Variants in ACCSL observed in about 807,000 individuals in gnomAD.
The protein encoded by ACCSL is probable inactive 1-aminocyclopropane-1-carboxylate synthase-like protein 2.
A neutral mutation model predicts 61.7 loss-of-function variants in ACCSL; 55 were observed. The observed-to-expected ratio is 0.89, with a 90% CI of 0.72 to 1.12. ACCSL has a LOEUF of 1.12. Among genes scored for constraint, ACCSL ranks in the 50% most tolerant of loss-of-function variants. ACCSL has a pLI of 0.00. For synonymous variants in ACCSL, 258 were observed against 264.3 expected (o/e 0.98, Z 0.23); for missense variants, 632 against 698.0 (o/e 0.91, Z 1.07).
the ACCSL span, among the ~76,000 whole-genome samples, chr11:43,979,946 C>T: frequency 6.6e-6 from 1 of 151,802 alleles, no homozygotes; most frequent in African/African-American, 2.4e-5. Context: ...TAATTCTAAG[C>T]CTCAGAAATC....
chr11:44,047,023 A>G (rs184322330), upstream of ACCSL, among the ~76,000 whole-genome samples: 1 of 152,164 alleles, frequency 6.6e-6, no homozygotes, highest in African/African-American at 2.4e-5. Context: ...TCCCTCCAAA[A>G]AAAAACAAAA....
chr11:43,974,962 T>A, the ACCSL span, among the ~76,000 whole-genome samples: 1 of 152,180 alleles, frequency 6.6e-6, no homozygotes, highest in Admixed American at 6.5e-5. Flanking sequence ...AAGACACTAA[T>A]TTTGGTGTAA....
At chr11:43,992,034 T>TTTTCTTTCTTTC in the ACCSL span, among the ~76,000 whole-genome samples, 1 of 145,898 alleles carries the variant, frequency 6.9e-6, no homozygotes, top group Non-Finnish European at 1.5e-5. Context: ...TTCCTTTTTC[T>TTTTCTTTCTTTC]TTTCTTTCTT....
At chr11:44,023,056 T>C in the ACCSL span, among the ~76,000 whole-genome samples, 1 of 127,444 alleles carries the variant, frequency 7.8e-6, no homozygotes, top group Admixed American at 8.4e-5. Flanking sequence ...TTTTTTTTTT[T>C]TTTTTTCGAG....
intron 8 of ACCSL, among the ~76,000 whole-genome samples, chr11:44,054,649 G>A (rs868185828): frequency 6.6e-6 from 1 of 152,084 alleles, no homozygotes; most frequent in African/African-American, 2.4e-5. Context: ...TAGAGACAGG[G>A]TTCCACGATG....
the ACCSL span, among the ~76,000 whole-genome samples, chr11:44,019,183 C>T: frequency 1.3e-5 from 2 of 152,158 alleles, no homozygotes; most frequent in African/African-American, 2.4e-5. Context: ...ATCCATCAGT[C>T]GATGGACTAA....
the ACCSL span, among the ~76,000 whole-genome samples, chr11:43,981,154 G>A: frequency 5.9e-5 from 9 of 152,314 alleles, no homozygotes; most frequent in Middle Eastern, 3.4e-3. Context: ...GCACGCCACT[G>A]ATGTGGGCAG....
At chr11:43,951,795 G>A in the ACCSL span, among the ~76,000 whole-genome samples, 8 of 152,184 alleles carry the variant, frequency 5.3e-5, no homozygotes, top group African/African-American at 1.9e-4. Flanking sequence ...GAGGTCAGGA[G>A]TTCGAGACCA....
chr11:44,032,248 G>A, the ACCSL span, among the ~76,000 whole-genome samples: 15 of 152,102 alleles, frequency 9.9e-5, no homozygotes, highest in Non-Finnish European at 1.9e-4. Flanking sequence ...ACCTTCCAGG[G>A]TCTCTCTCTA....
chr11:44,002,905 G>T, the ACCSL span, among the ~76,000 whole-genome samples: 2 of 152,166 alleles, frequency 1.3e-5, no homozygotes, highest in African/African-American at 4.8e-5. Context: ...TCCAGGGCTG[G>T]AGGGGTCTGG....
chr11:43,932,571 A>C, the ACCSL span, among the ~76,000 whole-genome samples: 1 of 152,126 alleles, frequency 6.6e-6, no homozygotes, highest in Non-Finnish European at 1.5e-5. Context: ...CACCCAGCTG[A>C]GAAGAACTTT....
chr11:43,948,975 T>C, the ACCSL span, among the ~76,000 whole-genome samples: 1 of 152,218 alleles, frequency 6.6e-6, no homozygotes, highest in Admixed American at 6.5e-5. Flanking sequence ...ATTTCTTTGT[T>C]GTGGTCTTTG....
At chr11:43,933,768 T>C in the ACCSL span, among the ~76,000 whole-genome samples, 4 of 152,068 alleles carry the variant, frequency 2.6e-5, no homozygotes, top group African/African-American at 9.7e-5. Context: ...GGAGGTCTTC[T>C]TGGGAGGTCT....
chr11:44,059,266 C>T (rs868618501), intron 13 of ACCSL, among the ~76,000 whole-genome samples: 1 of 151,966 alleles, frequency 6.6e-6, no homozygotes, highest in African/African-American at 2.4e-5. Context: ...ACAAACAAAA[C>T]CCGAAAAAAG....
chr11:43,974,596 C>T, the ACCSL span, among the ~76,000 whole-genome samples: 1 of 152,224 alleles, frequency 6.6e-6, no homozygotes, highest in Non-Finnish European at 1.5e-5. Context: ...TCCCCAACAC[C>T]AGCCTCCAAG....
the ACCSL span, among the ~76,000 whole-genome samples, chr11:44,042,525 G>A: frequency 1.3e-5 from 2 of 151,610 alleles, no homozygotes; most frequent in East Asian, 3.9e-4. Flanking sequence ...ATCTCACTAT[G>A]TTGATGAGGG....
At chr11:44,011,847 G>GA in the ACCSL span, among the ~76,000 whole-genome samples, 1 of 151,826 alleles carries the variant, frequency 6.6e-6, no homozygotes, top group Non-Finnish European at 1.5e-5. Flanking sequence ...CTGGTGAGAG[G>GA]AAAAAGAGGA....
the ACCSL span, among the ~76,000 whole-genome samples, chr11:43,993,392 G>C: frequency 2.0e-4 from 30 of 152,152 alleles, no homozygotes; most frequent in Admixed American, 2.6e-4. Flanking sequence ...ACTCTGGCAG[G>C]CTGTGGCTCC....
chr11:43,944,017 C>G, the ACCSL span: 2 of 502,058 alleles, frequency 4.0e-6, no homozygotes, highest in Non-Finnish European at 6.3e-6. Flanking sequence ...CTTCGGTCAC[C>G]GGAACGAGGT....
Sources: gnomAD v4.1 joint callset for allele counts (sites outside exome capture counted in the v4.1 genomes callset) on GRCh38, gnomAD v4.1.1 for gene constraint, MANE v1.5 for transcripts, NCBI Gene and HGNC (gene_info 2026-07-23, HGNC 2026-07-21) for gene names.